The following ARHGAP36 variants were observed in gnomAD, a reference collection of about 807,000 sequenced individuals.
The protein encoded by ARHGAP36 is Rho GTPase activating protein 36.
ARHGAP36 carries 7 observed loss-of-function variants against 32.9 expected under a neutral mutation model. That is an observed-to-expected ratio of 0.21 (90% CI 0.12 to 0.40). The LOEUF (loss-of-function observed/expected upper bound fraction) is 0.40, where lower values mean the gene tolerates loss of function less well. Ranked by LOEUF, ARHGAP36 falls within the 10% of genes least tolerant of loss-of-function variation. The pLI is 1.00. For missense variants in ARHGAP36, 383 were observed against 442.2 expected, an observed-to-expected ratio of 0.87 and a Z score of 1.20; for synonymous variants, 165 against 168.3, an observed-to-expected ratio of 0.98 and a Z score of 0.15.
In ARHGAP36 at chrX:131,085,909, C is replaced by T. The variant is rs757664275; in HGVS notation, c.1105-4C>T. ...TCAATCACTTTCTGCTTTCCTTTGC[C>T]TAGGTCCCAGGCAACCGTATGACTT... On this transcript the variant is annotated splice_region_variant and splice_polypyrimidine_tract_variant and intron_variant, in intron 8 of 11. Coordinates refer to ENST00000276211, the MANE Select transcript of ARHGAP36 (RefSeq NM_144967.4). The T allele has an allele frequency of 4.1e-6, 5 of 1,208,997 alleles. No individual in the cohort carries two copies. The East Asian group carries it at 1.5e-4, about 36-fold the overall frequency.
chrX:131,071,508 A>G (rs1021155232), intron 1 of ARHGAP36, among the ~76,000 whole-genome samples: 2 of 111,648 alleles, frequency 1.8e-5, no homozygotes, highest in Middle Eastern at 9.2e-3. Flanking sequence ...AATTGAAAAG[A>G]GCACCACCAG....
intron 2 of ARHGAP36, among the ~76,000 whole-genome samples, chrX:131,082,433 C>T (rs1428680034): frequency 8.9e-6 from 1 of 112,569 alleles, no homozygotes; most frequent in Non-Finnish European, 1.9e-5. Context: ...CTAGCACTGC[C>T]CACCTCAGCT....
intron 1 of ARHGAP36, among the ~76,000 whole-genome samples, chrX:131,063,207 G>A (rs2079678633): frequency 9.0e-6 from 1 of 111,636 alleles, no homozygotes; most frequent in African/African-American, 3.3e-5. Context: ...TAGGTAGATG[G>A]CATGTTTGAT....
intron 1 of ARHGAP36, among the ~76,000 whole-genome samples, chrX:131,060,542 A>G (rs755165889): frequency 8.9e-6 from 1 of 112,803 alleles, no homozygotes; most frequent in South Asian, 3.7e-4. Flanking sequence ...GACTTTATTC[A>G]CATTGAATTA....
intron 1 of ARHGAP36, among the ~76,000 whole-genome samples, chrX:131,066,455 G>A (rs762499240): frequency 1.8e-5 from 2 of 111,814 alleles, no homozygotes; most frequent in Non-Finnish European, 3.8e-5. Context: ...CCCAGAACTG[G>A]AGCTAGTGAG....
At chrX:131,071,216 G>A (rs1291470404) in intron 1 of ARHGAP36, among the ~76,000 whole-genome samples, 1 of 110,278 alleles carries the variant, frequency 9.1e-6, no homozygotes, top group Non-Finnish European at 1.9e-5. Context: ...GACAGAGAAA[G>A]AGGGGATGCC....
Position 131,081,585 on chromosome X carries a change from T to G in ARHGAP36, c.-81T>G, listed in dbSNP as rs1324154772. The G allele has an allele frequency of 8.5e-5, 51 of 599,665 alleles. No homozygotes were observed. Among genetic ancestry groups the G allele is most frequent in the Middle Eastern group, 7.8e-4 (1 of 1,276 alleles). The allele number at this position is 599,665 out of a possible 1,213,427, so 49.4% of individuals were successfully genotyped here. On this transcript the variant is annotated 5_prime_UTR_variant, in exon 2 of 12. Coordinates refer to ENST00000276211, the MANE Select transcript of ARHGAP36 (RefSeq NM_144967.4). Reference sequence around the variant, plus strand: ...GCCGCCTCCCAGTTTTCCCTCCCCCTCTACCCCCACCCCCATAGTTCTCTC... The same window carrying G: ...GCCGCCTCCCAGTTTTCCCTCCCCCGCTACCCCCACCCCCATAGTTCTCTC...
intron 1 of ARHGAP36, 23 bp downstream of exon 1, chrX:131,058,467 G>C (rs1440401104): frequency 9.8e-7 from 1 of 1,020,377 alleles, no homozygotes. Context: ...CACCGAGTCG[G>C]GGGGCTGGGG....
chrX:131,074,173 G>A (rs1603393429), intron 1 of ARHGAP36, among the ~76,000 whole-genome samples: 2 of 111,500 alleles, frequency 1.8e-5, no homozygotes, highest in Admixed American at 1.9e-4. Context: ...GATGGCTTCC[G>A]GGAGTGTCCC....
chrX:131,086,626 C>A lies in ARHGAP36; in HGVS notation c.1447C>A (p.Arg483=). The change falls in exon 11 of 12, where the codon CGG becomes AGG. Residue 483 remains arginine (R), a synonymous_variant. Transcript: ENST00000276211. ...TCCAGTGGAAACCTCTGCTGAAGCCCGGGCTGCTGTCCTTGCTCAAAGCAA... is the reference window on the plus strand; with the variant it reads ...TCCAGTGGAAACCTCTGCTGAAGCCAGGGCTGCTGTCCTTGCTCAAAGCAA... The part of the protein sequence containing the change: ...SDPVETSAEA[R]AAVLAQSKPS... The A allele has an allele frequency of 8.3e-7, 1 of 1,211,849 alleles. No individual in the cohort carries two copies. The highest frequency in any genetic ancestry group is 1.1e-6 in the Non-Finnish European group (1 of 895,546).
rs1031993735 is a variant in ARHGAP36 at position 131,058,358 on chromosome X, T to A, written c.-229T>A. Reference sequence around the variant, plus strand: ...TGCGGGGGACGACGCAAAGGTTAACTGCGAGCTGCCGGGCACTCAGCGCGG... The same window carrying A: ...TGCGGGGGACGACGCAAAGGTTAACAGCGAGCTGCCGGGCACTCAGCGCGG... On this transcript the variant is annotated 5_prime_UTR_variant, in exon 1 of 12. Coordinates refer to ENST00000276211, the MANE Select transcript of ARHGAP36 (RefSeq NM_144967.4). 8.9e-7 allele frequency: 1 copy of A among 1,126,602 alleles called. No individual in the cohort carries two copies. The allele number at this position is 1,126,602 out of a possible 1,213,427, so 92.8% of individuals were successfully genotyped here. A position where few individuals can be genotyped will look rare whatever the true frequency, so the allele number is the denominator to read the frequency against.
rs765688529 is a variant in ARHGAP36 at position 131,081,701 on chromosome X, G to C, written c.36G>C (p.Arg12Ser). The change falls in exon 2 of 12, where the codon AGG (arginine) becomes AGC (serine). Residue 12 changes from arginine to serine, a missense_variant. By Grantham distance (110) the Arg-to-Ser change is moderately radical. Transcript: ENST00000276211. ...GGCIPFLKAA[R>S]ALCPRIMPPL... ...GCATTCCTTTTCTGAAGGCAGCAAG[G>C]GCACTGTGCCCCAGAATCATGCCCC... 1.8e-5 allele frequency: 22 copies of C among 1,211,083 alleles called. No individual in the cohort carries two copies. The highest frequency in any genetic ancestry group is 2.5e-5 in the Non-Finnish European group (22 of 895,369).
rs907052403 is a variant in ARHGAP36 at position 131,088,673 on chromosome X, A to G, written c.1532A>G (p.His511Arg). 19 of 1,210,026 alleles carry G rather than the reference A, an allele frequency of 1.6e-5. No homozygotes were observed. The highest frequency in any genetic ancestry group is 1.9e-5 in the Non-Finnish European group (17 of 895,201). ...PAVPSGTARSHDDEEGAGNPP... is the reference protein window; with the variant it reads ...PAVPSGTARSRDDEEGAGNPP... ...GTGCCTTCCGGCACTGCCCGTTCCC[A>G]TGACGATGAGGAAGGAGCGGGTAAC... is the stretch of plus-strand genomic sequence containing the variant. The change falls in exon 12 of 12, where the codon CAT becomes CGT. Residue 511 changes from histidine to arginine, a missense_variant. Transcript: ENST00000276211.
intron 1 of ARHGAP36, among the ~76,000 whole-genome samples, chrX:131,075,641 G>C (rs964205988): frequency 1.8e-5 from 2 of 109,337 alleles, no homozygotes; most frequent in African/African-American, 3.3e-5. Context: ...GTGTGTGTGT[G>C]TGTGTGTGTG....
chrX:131,058,495 C>G (rs937337447), intron 1 of ARHGAP36, 51 bp downstream of exon 1: 1 of 980,293 alleles, frequency 1.0e-6, no homozygotes, highest in Non-Finnish European at 1.3e-6. Flanking sequence ...CCGGGGGCGG[C>G]CGGCGGCTGC....
At chrX:131,082,369 G>A (rs946354106) in intron 2 of ARHGAP36, among the ~76,000 whole-genome samples, 1 of 112,805 alleles carries the variant, frequency 8.9e-6, no homozygotes, top group African/African-American at 3.2e-5. Flanking sequence ...CTCCTAGCCG[G>A]GCGGTGAACG....
At chrX:131,083,334 G>A in intron 3 of ARHGAP36, 104 bp downstream of exon 3, 1 of 823,782 alleles carries the variant, frequency 1.2e-6, no homozygotes, top group Non-Finnish European at 1.7e-6. Context: ...CTGTCCCAGG[G>A]GACACTCTCC....
At chrX:131,061,129 A>AT (rs68035708) in intron 1 of ARHGAP36, among the ~76,000 whole-genome samples, 3,627 of 107,543 alleles carry the variant, frequency 0.034, 86 homozygotes, top group Admixed American at 0.09. Context: ...TGTGACAGCA[A>AT]TTTTTTTTTT....
intron 9 of ARHGAP36, 118 bp downstream of exon 9, chrX:131,086,207 G>A (rs2079834642): frequency 9.0e-7 from 1 of 1,107,572 alleles, no homozygotes; most frequent in Non-Finnish European, 1.2e-6. Context: ...AGATCGTCCA[G>A]TCTAGAAATT....
Sources: gnomAD v4.1 joint callset for allele counts (sites outside exome capture counted in the v4.1 genomes callset) on GRCh38, gnomAD v4.1.1 for gene constraint, MANE v1.5 for transcripts, NCBI Gene and HGNC (gene_info 2026-07-23, HGNC 2026-07-21) for gene names.